ITPKB: variants seen among roughly 807,000 people sequenced by gnomAD.
ITPKB encodes the protein inositol-trisphosphate 3-kinase B.
A neutral mutation model predicts 69.4 loss-of-function variants in ITPKB; 13 were observed. The ratio of observed to expected loss-of-function variants is 0.19; its 90% confidence interval spans 0.12 to 0.30. The LOEUF (loss-of-function observed/expected upper bound fraction) is 0.30. Among genes scored for constraint, ITPKB ranks in the 10% least tolerant of loss-of-function variants. The probability of loss-of-function intolerance (pLI) is 1.00; values close to 1 mark genes in which losing one functional copy is unlikely to be tolerated. For synonymous variants in ITPKB, 584 were observed against 513.7 expected (o/e 1.14, Z -1.85); for missense variants, 1,240 against 1,250.5 (o/e 0.99, Z 0.13).
At chr1:226,653,144 A>G (rs1669228181) in intron 2 of ITPKB, among the ~76,000 whole-genome samples, 1 of 151,998 alleles carries the variant, frequency 6.6e-6, no homozygotes, top group South Asian at 2.1e-4. Flanking sequence ...TCTAGTTAGG[A>G]GTGTTTTCTC....
intron 2 of ITPKB, among the ~76,000 whole-genome samples, chr1:226,662,141 T>C (rs1669414616): frequency 6.6e-6 from 1 of 152,140 alleles, no homozygotes; most frequent in Non-Finnish European, 1.5e-5. Flanking sequence ...CCCAGGGACC[T>C]GGGATCTGAA....
intron 7 of ITPKB, among the ~76,000 whole-genome samples, chr1:226,636,293 A>G (rs1668835679): frequency 6.6e-6 from 1 of 152,136 alleles, no homozygotes; most frequent in African/African-American, 2.4e-5. Context: ...AGGCCACAGG[A>G]GGAGCTGAGG....
rs1188346588 is a variant in ITPKB at position 226,688,403 on chromosome 1, C to T, written c.1933-39632G>A. Among the ~76,000 whole-genome samples, 8 of 152,140 alleles carry T rather than the reference C, an allele frequency of 5.3e-5. No individual in the cohort carries two copies. In the East Asian group the frequency reaches 7.7e-4, roughly 15 times the overall value. On this transcript the variant is annotated intron_variant, in intron 2 of 7. Coordinates refer to ENST00000429204, the MANE Select transcript of ITPKB (RefSeq NM_002221.4). ...TGACCGCCCCCCATCAGGATTGTCT[C>T]GTGTGTTCAGGGTCCCACAGAACCC...
chr1:226,732,439 T>G (rs1303900355), intron 2 of ITPKB, among the ~76,000 whole-genome samples: 1 of 152,126 alleles, frequency 6.6e-6, no homozygotes, highest in Non-Finnish European at 1.5e-5. Flanking sequence ...GGTTTCACCA[T>G]GTTGGCCAGG....
chr1:226,638,427 T>G (rs537665160), intron 6 of ITPKB, among the ~76,000 whole-genome samples: 1 of 152,314 alleles, frequency 6.6e-6, no homozygotes, highest in East Asian at 1.9e-4. Flanking sequence ...GAGAAACGGC[T>G]GCCTGGTCCG....
At chr1:226,697,981 T>A (rs978298494) in intron 2 of ITPKB, among the ~76,000 whole-genome samples, 1 of 152,098 alleles carries the variant, frequency 6.6e-6, no homozygotes, top group Non-Finnish European at 1.5e-5. Context: ...CACTGCACTC[T>A]CCAGACAGAT....
At chr1:226,721,909 G>A (rs1251201028) in intron 2 of ITPKB, among the ~76,000 whole-genome samples, 1 of 151,448 alleles carries the variant, frequency 6.6e-6, no homozygotes, top group Non-Finnish European at 1.5e-5. Flanking sequence ...CGCCTCCCGG[G>A]TTCAAGCGAT....
At chr1:226,709,176 C>T (rs1207386065) in intron 2 of ITPKB, among the ~76,000 whole-genome samples, 1 of 152,226 alleles carries the variant, frequency 6.6e-6, no homozygotes, top group Non-Finnish European at 1.5e-5. Flanking sequence ...GTTAGAGCTG[C>T]CAGAAAAAGT....
intron 7 of ITPKB, among the ~76,000 whole-genome samples, chr1:226,635,678 A>G (rs1321442082): frequency 6.6e-6 from 1 of 152,208 alleles, no homozygotes; most frequent in Admixed American, 6.5e-5. Context: ...GGGGGTGGTG[A>G]AGAACCTGTT....
intron 5 of ITPKB, among the ~76,000 whole-genome samples, chr1:226,640,585 G>A (rs753555847): frequency 3.9e-5 from 6 of 152,194 alleles, no homozygotes; most frequent in Non-Finnish European, 8.8e-5. Flanking sequence ...ACAGGCTGTC[G>A]GCTGTTCTGA....
At chr1:226,636,273 T>G (rs1668835337) in intron 7 of ITPKB, among the ~76,000 whole-genome samples, 4 of 151,664 alleles carry the variant, frequency 2.6e-5, no homozygotes, top group Admixed American at 2.6e-4. Context: ...CTTCATCAAG[T>G]GGAAAGGAGA....
chr1:226,726,029 C>T (rs1657401272), intron 2 of ITPKB, among the ~76,000 whole-genome samples: 1 of 152,180 alleles, frequency 6.6e-6, no homozygotes, highest in Non-Finnish European at 1.5e-5. Context: ...AGTCATCGTA[C>T]TCATAATTAA....
rs1415777896 is a variant in ITPKB, at chr1:226,736,904, C to A, written c.555G>T (p.Gln185His). The A allele has an allele frequency of 6.2e-7, 1 of 1,610,262 alleles. No individual in the cohort carries two copies. The highest frequency in any genetic ancestry group is 2.2e-5 in the East Asian group (1 of 44,876). ...PSPCPFRSSS[Q>H]PPGRVLVQGA... is the part of the protein sequence containing the mutation. Reference sequence around the variant, plus strand: ...CCTGAACCAGGACCCTTCCAGGGGGCTGACTGCTGCTGCGGAAGGGGCACG... The same window carrying A: ...CCTGAACCAGGACCCTTCCAGGGGGATGACTGCTGCTGCGGAAGGGGCACG... Residue 185 changes from glutamine (Q) to histidine (H), a missense_variant, in exon 2 of 8, where the codon CAG becomes CAT. Gln to His is a conservative substitution (Grantham distance 24, BLOSUM62 0). This residue lies in a region of ITPKB where 992 missense variants were observed against 853.8 expected (regional missense o/e 1.16). Transcript: ENST00000429204.
chr1:226,703,788 AGCTTCCG>A (rs1280661783), intron 2 of ITPKB, among the ~76,000 whole-genome samples: 1 of 152,228 alleles, frequency 6.6e-6, no homozygotes, highest in African/African-American at 2.4e-5. Flanking sequence ...GCTGGCCGCC[AGCTTCCG>A]GCTTGGGAGA....
intron 2 of ITPKB, among the ~76,000 whole-genome samples, chr1:226,700,985 G>A (rs1656623703): frequency 6.6e-6 from 1 of 152,182 alleles, no homozygotes; most frequent in South Asian, 2.1e-4. Context: ...GGAGCACACG[G>A]TGCCTTCAAT....
chr1:226,653,493 G>A (rs760564757), intron 2 of ITPKB, among the ~76,000 whole-genome samples: 5 of 152,196 alleles, frequency 3.3e-5, no homozygotes, highest in South Asian at 2.1e-4. Flanking sequence ...GCTGGCCACC[G>A]AAACCCCAGA....
At chr1:226,703,864 T>A (rs1656740015) in intron 2 of ITPKB, among the ~76,000 whole-genome samples, 1 of 152,226 alleles carries the variant, frequency 6.6e-6, no homozygotes. Context: ...TTTTGTAGGG[T>A]TGAACTGTAG....
intron 2 of ITPKB, among the ~76,000 whole-genome samples, chr1:226,727,670 G>A (rs1419070951): frequency 6.6e-6 from 1 of 152,146 alleles, no homozygotes; most frequent in Non-Finnish European, 1.5e-5. Flanking sequence ...GGCCAAGAAA[G>A]AAAACTGCTG....
intron 2 of ITPKB, among the ~76,000 whole-genome samples, 162 bp downstream of exon 2, chr1:226,735,365 C>T (rs1571882360): frequency 2.0e-5 from 3 of 152,340 alleles, no homozygotes; most frequent in Middle Eastern, 3.4e-3. Context: ...CTGCTTCCAC[C>T]TCAGCAAACA....
Sources: gnomAD v4.1 joint callset for allele counts (sites outside exome capture counted in the v4.1 genomes callset) on GRCh38, gnomAD v4.1.1 for gene constraint, gnomAD v4.1.1 regional missense constraint, MANE v1.5 for transcripts, NCBI Gene and HGNC (gene_info 2026-07-23, HGNC 2026-07-21) for gene names.